Variants in GNB4 observed in about 807,000 individuals in gnomAD.
GNB4 encodes G protein subunit beta 4.
GNB4 carries 28 observed loss-of-function variants against 45.2 expected under a neutral mutation model. That is an observed-to-expected ratio of 0.62 (90% CI 0.46 to 0.85). The LOEUF (loss-of-function observed/expected upper bound fraction) is 0.85. Among genes scored for constraint, GNB4 ranks in the 40% least tolerant of loss-of-function variants. The pLI is 0.00. For missense variants in GNB4, 321 were observed against 425.4 expected, an observed-to-expected ratio of 0.75 and a Z score of 2.16; for synonymous variants, 132 against 143.7, an observed-to-expected ratio of 0.92 and a Z score of 0.58.
the GNB4 span, among the ~76,000 whole-genome samples, chr3:179,474,277 T>C: frequency 2.6e-5 from 4 of 152,100 alleles, no homozygotes; most frequent in African/African-American, 4.8e-5. Flanking sequence ...CAGGCTAGAG[T>C]GCAGTAGCAC....
chr3:179,477,524 T>G, the GNB4 span, among the ~76,000 whole-genome samples: 1 of 152,314 alleles, frequency 6.6e-6, no homozygotes, highest in Non-Finnish European at 1.5e-5. Flanking sequence ...ACATGAGACC[T>G]TATCAGAATG....
the GNB4 span, among the ~76,000 whole-genome samples, chr3:179,468,459 C>T: frequency 4.9e-4 from 75 of 151,546 alleles, no homozygotes; most frequent in African/African-American, 1.8e-3. Context: ...CATACCATTG[C>T]ACTCCAGACC....
chr3:179,450,908 T>C (rs1715852581), intron 1 of GNB4: 1 of 152,220 alleles, frequency 6.6e-6, no homozygotes. Flanking sequence ...TTTATGAGTC[T>C]TCCAAGCACT....
At position 179,405,340 on chromosome 3, in the gene GNB4, G is replaced by A. The variant is rs971032854; in HGVS notation, c.766C>T (p.Arg256Cys). 3.1e-6 allele frequency: 5 copies of A among 1,613,892 alleles called. No homozygotes were observed. Among genetic ancestry groups the A allele is most frequent in the Non-Finnish European group, 2.5e-6 (3 of 1,179,874 alleles). ...DDATCRLFDL[R>C]ADQELLLYSH... ...TACAATAATAACTCTTGATCTGCAC[G>A]AAGGTCAAAGAGCCGGCAAGTGGCA... The change falls in exon 9 of 10, where the codon CGT (arginine) becomes TGT (cysteine). Residue 256 changes from arginine (R) to cysteine (C), a missense_variant. Physicochemically the swap from Arg to Cys is radical, Grantham distance 180. Coordinates refer to ENST00000232564, the MANE Select transcript of GNB4 (RefSeq NM_021629.4).
chr3:179,444,735 A>G (rs959811800), intron 1 of GNB4, among the ~76,000 whole-genome samples: 1 of 152,188 alleles, frequency 6.6e-6, no homozygotes, highest in African/African-American at 2.4e-5. Flanking sequence ...ATGCATACAT[A>G]TATAATTTAA....
intron 1 of GNB4, among the ~76,000 whole-genome samples, chr3:179,434,723 TA>T (rs879820800): frequency 2.3e-3 from 306 of 135,108 alleles, no homozygotes; most frequent in Middle Eastern, 3.6e-3. Context: ...TCTGTCTCAT[TA>T]AAAAAAAAAA....
intron 1 of GNB4, among the ~76,000 whole-genome samples, chr3:179,429,025 G>C (rs1354740449): frequency 6.6e-6 from 1 of 152,234 alleles, no homozygotes; most frequent in Non-Finnish European, 1.5e-5. Context: ...TCACTCCGTG[G>C]ATGGGGCACC....
chr3:179,421,557 C>T (rs1714981056), intron 2 of GNB4, among the ~76,000 whole-genome samples: 1 of 152,166 alleles, frequency 6.6e-6, no homozygotes, highest in Non-Finnish European at 1.5e-5. Flanking sequence ...GTAGTATCCT[C>T]TTCAATTTTG....
chr3:179,510,634 T>A, the GNB4 span, among the ~76,000 whole-genome samples: 1 of 151,944 alleles, frequency 6.6e-6, no homozygotes, highest in South Asian at 2.1e-4. Context: ...ATGTACAGAC[T>A]TGAGAATCAG....
At chr3:179,513,653 A>G in the GNB4 span, among the ~76,000 whole-genome samples, 2 of 152,160 alleles carry the variant, frequency 1.3e-5, no homozygotes, top group East Asian at 1.9e-4. Flanking sequence ...TCTTGTTCAC[A>G]TGGACAATGC....
At chr3:179,427,425 C>T (rs142678357) in intron 1 of GNB4, among the ~76,000 whole-genome samples, 4,381 of 151,678 alleles carry the variant, frequency 0.029, 200 homozygotes, top group African/African-American at 0.1. Flanking sequence ...GGCAACATGG[C>T]GAAACCTCAT....
the GNB4 span, among the ~76,000 whole-genome samples, chr3:179,498,346 A>G: frequency 6.6e-6 from 1 of 152,230 alleles, no homozygotes; most frequent in Admixed American, 6.5e-5. Flanking sequence ...AAGACAGCCC[A>G]ACAAAGCTAT....
chr3:179,474,254 TTGCTC>T, the GNB4 span, among the ~76,000 whole-genome samples: 1 of 152,176 alleles, frequency 6.6e-6, no homozygotes, highest in Non-Finnish European at 1.5e-5. Context: ...AGTTGGAGTC[TTGCTC>T]TGTCTCCCAG....
the GNB4 span, among the ~76,000 whole-genome samples, chr3:179,486,320 A>G: frequency 6.6e-6 from 1 of 152,096 alleles, no homozygotes; most frequent in African/African-American, 2.4e-5. Context: ...TAAAATTTTA[A>G]AAATAATCAT....
chr3:179,468,052 A>ATATATATATATATATATATAT, the GNB4 span, among the ~76,000 whole-genome samples: 5 of 139,408 alleles, frequency 3.6e-5, no homozygotes, highest in Admixed American at 7.2e-5. Context: ...ATATATATAG[A>ATATATATATATATATATATAT]ACAGGTGTGG....
chr3:179,401,776 A>G (rs1286270607), intron 9 of GNB4, among the ~76,000 whole-genome samples: 2 of 152,232 alleles, frequency 1.3e-5, no homozygotes, highest in Admixed American at 1.3e-4. Flanking sequence ...AAGCTGCCTC[A>G]CATCACTGCT....
the GNB4 span, among the ~76,000 whole-genome samples, chr3:179,459,631 G>A: frequency 6.6e-6 from 1 of 151,122 alleles, no homozygotes; most frequent in Admixed American, 6.6e-5. Context: ...GCGGTGAGCC[G>A]AGATCGTGCC....
chr3:179,427,156 C>T (rs1715171929), intron 1 of GNB4, among the ~76,000 whole-genome samples: 1 of 151,966 alleles, frequency 6.6e-6, no homozygotes, highest in Non-Finnish European at 1.5e-5. Context: ...CCCTTGCTCC[C>T]TTACTAAATC....
rs144930595 is a variant in GNB4, at chr3:179,441,055, T to G, written c.-43+10291A>C. 4.6e-5 allele frequency among the ~76,000 whole-genome samples: 7 copies of G among 152,312 alleles called. No individual in the cohort carries two copies. The East Asian group carries it at 1.3e-3, about 29-fold the overall frequency. On this transcript the variant is annotated intron_variant, in intron 1 of 9. Transcript: ENST00000232564. ...AAATGAGTATTATTTTGACCTACTGTCAATCTAAATCATCATGTGATTCCT... is the reference window on the plus strand; with the variant it reads ...AAATGAGTATTATTTTGACCTACTGGCAATCTAAATCATCATGTGATTCCT...
Sources: gnomAD v4.1 joint callset for allele counts (sites outside exome capture counted in the v4.1 genomes callset) on GRCh38, gnomAD v4.1.1 for gene constraint, MANE v1.5 for transcripts, NCBI Gene and HGNC (gene_info 2026-07-23, HGNC 2026-07-21) for gene names.